GHR: variants seen among roughly 807,000 people sequenced by gnomAD.
GHR encodes growth hormone receptor.
In GHR, 35 loss-of-function variants were observed where a neutral mutation model predicts 67.1. That is an observed-to-expected ratio of 0.52 (90% CI 0.40 to 0.69). The LOEUF (loss-of-function observed/expected upper bound fraction) is 0.69. Ranked by LOEUF, GHR falls within the 30% of genes least tolerant of loss-of-function variation. The pLI, the probability that GHR is intolerant of heterozygous loss-of-function variation, is 0.00. For missense variants in GHR, 792 were observed against 764.6 expected (o/e 1.04, Z -0.42); for synonymous variants, 272 against 269.1 (o/e 1.01, Z -0.10).
intron 2 of GHR, among the ~76,000 whole-genome samples, chr5:42,609,876 G>A (rs1389622080): frequency 6.6e-6 from 1 of 152,130 alleles, no homozygotes; most frequent in African/African-American, 2.4e-5. Context: ...ATTCAAGAGG[G>A]TGAAATAATG....
intron 1 of GHR, among the ~76,000 whole-genome samples, chr5:42,435,339 A>G (rs530147682): frequency 7.2e-5 from 11 of 152,320 alleles, no homozygotes; most frequent in Middle Eastern, 6.8e-3. Flanking sequence ...TGAAAGATAT[A>G]TCTAGATGAT....
intron 1 of GHR, among the ~76,000 whole-genome samples, chr5:42,450,377 T>A (rs528893480): frequency 2.6e-5 from 4 of 152,212 alleles, no homozygotes; most frequent in Non-Finnish European, 4.4e-5. Flanking sequence ...TGCAGGAATT[T>A]GTCCATCTCC....
At chr5:42,546,075 A>G (rs1229684021) in intron 1 of GHR, among the ~76,000 whole-genome samples, 2 of 152,210 alleles carry the variant, frequency 1.3e-5, no homozygotes, top group Non-Finnish European at 2.9e-5. Flanking sequence ...TGAAAAAGCC[A>G]TATCAGAATG....
At chr5:42,592,566 A>G (rs760989667) in intron 2 of GHR, among the ~76,000 whole-genome samples, 1 of 152,234 alleles carries the variant, frequency 6.6e-6, no homozygotes, top group Non-Finnish European at 1.5e-5. Flanking sequence ...GGCTTCCAGC[A>G]CTATCCATGT....
intron 1 of GHR, among the ~76,000 whole-genome samples, chr5:42,532,337 T>G (rs1304077898): frequency 1.4e-5 from 2 of 143,436 alleles, no homozygotes; most frequent in East Asian, 3.9e-4. Context: ...TTTGGAGGTC[T>G]TTGATATAGA....
In GHR at chr5:42,629,086, A is replaced by T. The variant is rs181298988; in HGVS notation, c.119A>T (p.Asn40Ile). The T allele has an allele frequency of 3.6e-6, 5 of 1,377,006 alleles. 2 individuals are homozygous for T. Among genetic ancestry groups the T allele is most frequent in the Non-Finnish European group, 5.0e-6 (5 of 994,712 alleles). 85.3% of individuals were successfully genotyped at this position (1,377,006 alleles called of 1,614,324 possible). Residue 40 changes from asparagine to isoleucine, a missense_variant, in exon 3 of 10, where the codon AAT becomes ATT. By Grantham distance (149) the Asn-to-Ile change is moderately radical. Coordinates refer to ENST00000230882, the MANE Select transcript of GHR (RefSeq NM_000163.5). Reference sequence around the variant, plus strand: ...GCACCCTGGAGTCTGCAAAGTGTTAATCCAGGCCTAAAGACAAGTAAGAAT... The same window carrying T: ...GCACCCTGGAGTCTGCAAAGTGTTATTCCAGGCCTAAAGACAAGTAAGAAT... ...SRAPWSLQSV[N>I]PGLKTNSSKE...
intron 1 of GHR, among the ~76,000 whole-genome samples, chr5:42,551,176 C>T (rs997593924): frequency 6.6e-6 from 1 of 152,174 alleles, no homozygotes; most frequent in Non-Finnish European, 1.5e-5. Context: ...TGCAGTAGGC[C>T]TGTGTCTTGC....
chr5:42,592,086 GTTCCT>G (rs1233637725), intron 2 of GHR, among the ~76,000 whole-genome samples: 9 of 152,062 alleles, frequency 5.9e-5, no homozygotes, highest in African/African-American at 2.2e-4. Flanking sequence ...CAGCAATACA[GTTCCT>G]TCAAAGGGTC....
At chr5:42,649,320 A>T (rs1258994561) in intron 3 of GHR, among the ~76,000 whole-genome samples, 1 of 152,188 alleles carries the variant, frequency 6.6e-6, no homozygotes, top group Non-Finnish European at 1.5e-5. Context: ...CTATATACCC[A>T]ACCCAAAAGC....
chr5:42,718,322 T>A (rs1046282669), intron 9 of GHR, 131 bp from the exon 10 acceptor site: 1 of 749,486 alleles, frequency 1.3e-6, no homozygotes, highest in South Asian at 1.7e-5. Flanking sequence ...CACACTAATT[T>A]ATGTTTTTTT....
At chr5:42,492,986 A>G (rs1355687299) in intron 1 of GHR, among the ~76,000 whole-genome samples, 11 of 152,250 alleles carry the variant, frequency 7.2e-5, no homozygotes, top group Admixed American at 7.2e-4. Flanking sequence ...AGTTTGGATC[A>G]CTAACAGGAA....
intron 3 of GHR, among the ~76,000 whole-genome samples, chr5:42,640,134 A>G (rs1754393281): frequency 6.6e-6 from 1 of 152,170 alleles, no homozygotes; most frequent in African/African-American, 2.4e-5. Context: ...GCAAACAAGA[A>G]GGTCCTGCAA....
intron 4 of GHR, among the ~76,000 whole-genome samples, chr5:42,689,463 T>G (rs1370891114): frequency 6.6e-6 from 1 of 151,552 alleles, no homozygotes; most frequent in African/African-American, 2.4e-5. Context: ...TGGATGAGAG[T>G]GTGTGTAAAA....
intron 2 of GHR, among the ~76,000 whole-genome samples, chr5:42,579,074 TATAG>T (rs6149005): frequency 0.17 from 20,793 of 123,360 alleles, 2,146 homozygotes; most frequent in East Asian, 0.24. Flanking sequence ...AATCTGACAC[TATAG>T]ATAGATAGAT....
chr5:42,618,912 G>T (rs1472506729), intron 2 of GHR, among the ~76,000 whole-genome samples: 1 of 152,038 alleles, frequency 6.6e-6, no homozygotes, highest in Non-Finnish European at 1.5e-5. Context: ...GCATTAGTCT[G>T]TTTACAACCA....
At chr5:42,535,780 T>A (rs1293610719) in intron 1 of GHR, among the ~76,000 whole-genome samples, 2 of 152,158 alleles carry the variant, frequency 1.3e-5, no homozygotes, top group East Asian at 3.8e-4. Context: ...TGATTCTACC[T>A]ATCCATGAGC....
At chr5:42,578,097 G>A (rs902201132) in intron 2 of GHR, among the ~76,000 whole-genome samples, 1 of 151,980 alleles carries the variant, frequency 6.6e-6, no homozygotes, top group Non-Finnish European at 1.5e-5. Context: ...ATGGTGGGAG[G>A]CGTGTCCTGT....
At chr5:42,614,728 A>G (rs993511723) in intron 2 of GHR, among the ~76,000 whole-genome samples, 2 of 151,882 alleles carry the variant, frequency 1.3e-5, no homozygotes, top group Admixed American at 1.3e-4. Context: ...TAACATTTCA[A>G]ATGTGGTGGG....
At position 42,721,499 on chromosome 5, in the gene GHR, T is replaced by C. The variant is rs190348067; in HGVS notation, c.*2075T>C. ...CATGTTATTTGTAATAGATGTTTGA[T>C]AGATTTTCTGCTACTTTGCTGCTAT... On this transcript the variant is annotated 3_prime_UTR_variant, in exon 10 of 10. Coordinates refer to ENST00000230882, the MANE Select transcript of GHR (RefSeq NM_000163.5). The C allele has an allele frequency of 1.3e-5, 2 of 152,770 alleles. No individual in the cohort carries two copies. Among genetic ancestry groups the C allele is most frequent in the Admixed American group, 6.5e-5 (1 of 15,308 alleles). The allele number at this position is 152,770 out of a possible 1,614,324, so 9.5% of individuals were successfully genotyped here. A position where few individuals can be genotyped will look rare whatever the true frequency, so the allele number is the denominator to read the frequency against.
Sources: allele counts gnomAD v4.1 joint callset (sites outside exome capture counted in the v4.1 genomes callset), GRCh38; gene constraint gnomAD v4.1.1; transcripts MANE v1.5; gene names NCBI Gene and HGNC (gene_info 2026-07-23, HGNC 2026-07-21).